TJP1: variants seen among roughly 807,000 people sequenced by gnomAD.
TJP1 encodes the protein tight junction protein 1, also known as tight junction protein ZO-1.
Under a neutral mutation model 194.2 loss-of-function variants are expected in TJP1, and 43 were observed. The ratio of observed to expected loss-of-function variants is 0.22; its 90% CI spans 0.17 to 0.29. The LOEUF (loss-of-function observed/expected upper bound fraction) is 0.29, where lower values mean the gene tolerates loss of function less well. TJP1 is among the 10% of genes least tolerant of loss of function. The pLI is 1.00. For synonymous variants in TJP1, 801 were observed against 779.0 expected (o/e 1.03, Z -0.47); for missense variants, 1,971 against 2,185.7 (o/e 0.90, Z 1.96).
At chr15:29,793,270 C>A (rs1394533287) in intron 2 of TJP1, among the ~76,000 whole-genome samples, 4 of 152,112 alleles carry the variant, frequency 2.6e-5, no homozygotes. Flanking sequence ...TGTGTTGAGG[C>A]ATGTTCCTTC....
downstream of TJP1, chr15:29,699,908 T>C (rs2041440929): frequency 1.0e-5 from 2 of 199,140 alleles, no homozygotes; most frequent in East Asian, 2.2e-4. Context: ...CAGGGGGAAG[T>C]CGGCCTGCTG....
upstream of TJP1, chr15:29,822,575 G>T (rs968875857): frequency 1.1e-5 from 8 of 753,312 alleles, no homozygotes; most frequent in South Asian, 3.5e-4. Context: ...CGGCGGGGGA[G>T]GGGGCGGGAC....
Position 29,822,438 on chromosome 15 carries a change from G to A in TJP1, c.-410C>T. 1.0e-6 allele frequency: 1 copy of A among 987,834 alleles called. No homozygotes were observed. The highest frequency in any genetic ancestry group is 1.2e-6 in the Non-Finnish European group (1 of 831,684). 61.2% of individuals were successfully genotyped at this position (987,834 alleles called of 1,614,324 possible). On this transcript the variant is annotated 5_prime_UTR_variant, in exon 1 of 28. Transcript: ENST00000614355. ...CCGCCAAGGAACGCGGCGTCCGCTG[G>A]CTCAGCCGGCGCCGGCAACTCAGCG...
chr15:29,714,034 T>C (rs1331854860), intron 23 of TJP1, among the ~76,000 whole-genome samples: 2 of 152,178 alleles, frequency 1.3e-5, no homozygotes, highest in African/African-American at 4.8e-5. Context: ...GGGTGGTGGA[T>C]GCACCTAGTA....
chr15:29,704,869 C>T (rs995342448), intron 26 of TJP1, among the ~76,000 whole-genome samples: 1 of 152,196 alleles, frequency 6.6e-6, no homozygotes, highest in Admixed American at 6.5e-5. Context: ...TCCCCAAAAT[C>T]AGAGTACAGA....
intron 2 of TJP1, among the ~76,000 whole-genome samples, chr15:29,906,788 C>T (rs938648156): frequency 9.2e-5 from 14 of 151,718 alleles, no homozygotes; most frequent in African/African-American, 3.4e-4. Flanking sequence ...CCATGTTAGC[C>T]AGGCTAGTCT....
Position 29,700,447 on chromosome 15 carries a change from TTTTC to T in TJP1, c.*1144_*1147del, listed in dbSNP as rs2041470789. On this transcript the variant is annotated 3_prime_UTR_variant, in exon 28 of 28. Coordinates refer to ENST00000614355, the MANE Select transcript of TJP1 (RefSeq NM_001330239.4). ...AAAATGTAACAACTCTGTGCATCCT[TTTTC>T]TTAAAAAAAATGACCTTGCATGTGT... is the stretch of plus-strand genomic sequence containing the variant. 2.5e-6 allele frequency: 1 copy of T among 398,888 alleles called. No homozygotes were observed. The highest frequency in any genetic ancestry group is 4.4e-6 in the Non-Finnish European group (1 of 226,026). The allele number at this position is 398,888 out of a possible 1,614,324, so 24.7% of individuals were successfully genotyped here. A position where few individuals can be genotyped will look rare whatever the true frequency, so the allele number is the denominator to read the frequency against.
Position 29,749,367 on chromosome 15 carries a change from G to A in TJP1, c.1011-6586C>T, listed in dbSNP as rs144307751. ...AATCAAATGTGTGACCAGTGTAGCC[G>A]ATTAATACACACTCAATTAGATTAG... On this transcript the variant is annotated intron_variant, in intron 8 of 27. Coordinates refer to ENST00000614355, the MANE Select transcript of TJP1 (RefSeq NM_001330239.4). Among the ~76,000 whole-genome samples the A allele has an allele frequency of 7.9e-5, 12 of 152,228 alleles. No homozygotes were observed. The East Asian group carries it at 2.1e-3, about 27-fold the overall frequency.
At position 29,704,320 on chromosome 15, in the gene TJP1, G is replaced by A. The variant is rs1595542739; in HGVS notation, c.5069-15C>T. 1.9e-6 allele frequency: 3 copies of A among 1,579,214 alleles called. No homozygotes were observed. Among genetic ancestry groups the A allele is most frequent in the African/African-American group, 2.7e-5 (2 of 74,612 alleles). Reference sequence around the variant, plus strand: ...CAGTGTTTCACCTGGAGTTGGAAAAGGGGATAGGCAGAGAGGATGGATGTG... The same window carrying A: ...CAGTGTTTCACCTGGAGTTGGAAAAAGGGATAGGCAGAGAGGATGGATGTG... On this transcript the variant is annotated splice_polypyrimidine_tract_variant and intron_variant, in intron 26 of 27. Coordinates refer to ENST00000614355, the MANE Select transcript of TJP1 (RefSeq NM_001330239.4).
intron 2 of TJP1, among the ~76,000 whole-genome samples, chr15:29,789,940 G>A (rs193234034): frequency 4.6e-4 from 70 of 152,212 alleles, no homozygotes; most frequent in East Asian, 1.4e-3. Flanking sequence ...TTTAAAATAC[G>A]TGTTAGGGAT....
chr15:29,771,331 A>C (rs1029835845), intron 4 of TJP1, among the ~76,000 whole-genome samples: 1 of 152,132 alleles, frequency 6.6e-6, no homozygotes, highest in Non-Finnish European at 1.5e-5. Flanking sequence ...AGTGAACTGA[A>C]TACTGTAAGC....
chr15:29,902,262 T>C (rs1211324409), intron 2 of TJP1, among the ~76,000 whole-genome samples: 1 of 152,080 alleles, frequency 6.6e-6, no homozygotes, highest in Non-Finnish European at 1.5e-5. Context: ...ATTCTCTTCC[T>C]CTTGGTGGTG....
At chr15:29,885,282 C>T (rs896569503) in intron 2 of TJP1, among the ~76,000 whole-genome samples, 6 of 152,288 alleles carry the variant, frequency 3.9e-5, no homozygotes, top group South Asian at 2.1e-4. Flanking sequence ...AAAATGAGTA[C>T]GTGTCAGCTA....
intron 3 of TJP1, among the ~76,000 whole-genome samples, chr15:29,772,796 G>A (rs1052618381): frequency 1.3e-5 from 2 of 152,082 alleles, no homozygotes; most frequent in African/African-American, 4.8e-5. Flanking sequence ...ACAGGGTCTC[G>A]CTCTGTCACT....
At chr15:29,792,632 T>A (rs1035320359) in intron 2 of TJP1, among the ~76,000 whole-genome samples, 1 of 152,250 alleles carries the variant, frequency 6.6e-6, no homozygotes, top group East Asian at 1.9e-4. Flanking sequence ...AACATAATTC[T>A]GTGAAGAATG....
intron 2 of TJP1, among the ~76,000 whole-genome samples, chr15:29,870,381 CTATCTT>C (rs1007723606): frequency 6.6e-6 from 1 of 152,158 alleles, no homozygotes; most frequent in African/African-American, 2.4e-5. Flanking sequence ...TGTGTAAAAA[CTATCTT>C]TATATTAAGT....
intron 2 of TJP1, among the ~76,000 whole-genome samples, chr15:29,884,175 T>C (rs1028991459): frequency 6.6e-6 from 1 of 152,174 alleles, no homozygotes; most frequent in African/African-American, 2.4e-5. Flanking sequence ...ATAGAAAAAA[T>C]AAATGAAACA....
At chr15:29,911,097 T>A (rs2053997348) in intron 2 of TJP1, among the ~76,000 whole-genome samples, 1 of 152,228 alleles carries the variant, frequency 6.6e-6, no homozygotes, top group African/African-American at 2.4e-5. Flanking sequence ...AGTCACCTTA[T>A]TCCTCTACAA....
At chr15:29,928,799 G>A (rs1287639762) in intron 2 of TJP1, among the ~76,000 whole-genome samples, 5 of 152,008 alleles carry the variant, frequency 3.3e-5, no homozygotes, top group Admixed American at 1.3e-4. Flanking sequence ...AAAATTAGCT[G>A]GGCGTGGTGG....
Sources: allele counts gnomAD v4.1 joint callset (sites outside exome capture counted in the v4.1 genomes callset), GRCh38; gene constraint gnomAD v4.1.1; transcripts MANE v1.5; gene names NCBI Gene and HGNC (gene_info 2026-07-23, HGNC 2026-07-21).